Variants in NALF1 observed in about 807,000 individuals in gnomAD.
NALF1 encodes family with sequence similarity 155 member A.
Under a neutral mutation model 48.4 loss-of-function variants are expected in NALF1, and 3 were observed. That is an observed-to-expected ratio of 0.06 (90% CI 0.03 to 0.16). NALF1 has a LOEUF of 0.16. Ranked by LOEUF, NALF1 falls within the 10% of genes least tolerant of loss-of-function variation. The pLI is 1.00. For missense variants in NALF1, 526 were observed against 571.5 expected (o/e 0.92, Z 0.81); for synonymous variants, 262 against 245.7 (o/e 1.07, Z -0.62).
At chr13:107,662,443 T>C (rs1880756586) in intron 1 of NALF1, among the ~76,000 whole-genome samples, 1 of 152,218 alleles carries the variant, frequency 6.6e-6, no homozygotes, top group Non-Finnish European at 1.5e-5. Context: ...ATGAACAGTG[T>C]TGCCTGTTAA....
At chr13:107,299,674 A>G (rs1185161027) in intron 1 of NALF1, among the ~76,000 whole-genome samples, 2 of 144,242 alleles carry the variant, frequency 1.4e-5, no homozygotes, top group East Asian at 4.0e-4. Context: ...GTAAGGAAGA[A>G]CTGTTCCTTA....
At chr13:107,718,216 C>G (rs10508186) in intron 1 of NALF1, among the ~76,000 whole-genome samples, 1 of 152,138 alleles carries the variant, frequency 6.6e-6, no homozygotes, top group Admixed American at 6.5e-5. Flanking sequence ...TTCTTTCTCT[C>G]TGTTATGACC....
At chr13:107,272,856 A>C (rs369502207) in intron 1 of NALF1, among the ~76,000 whole-genome samples, 1 of 152,190 alleles carries the variant, frequency 6.6e-6, no homozygotes, top group East Asian at 1.9e-4. Context: ...AAAACTAAGG[A>C]AAGTCGGAGT....
chr13:107,198,898 T>C (rs1357147480), intron 2 of NALF1, among the ~76,000 whole-genome samples: 2 of 152,204 alleles, frequency 1.3e-5, no homozygotes, highest in African/African-American at 4.8e-5. Flanking sequence ...TTTTATACGC[T>C]GTTATGGGAA....
chr13:107,519,900 GAGAATGGACATTTTAACAAATGTA>G, intron 1 of NALF1, among the ~76,000 whole-genome samples: 1 of 152,254 alleles, frequency 6.6e-6, no homozygotes, highest in South Asian at 2.1e-4. Flanking sequence ...TCAAACTACA[GAGAATGGACATTTTAACAAATGTA>G]GTGCTCTGGT....
intron 1 of NALF1, among the ~76,000 whole-genome samples, chr13:107,598,055 T>C (rs1366113202): frequency 3.3e-5 from 5 of 152,182 alleles, no homozygotes; most frequent in Admixed American, 6.5e-5. Flanking sequence ...GGTAATGTGA[T>C]AGTATCCTCT....
chr13:107,816,805 A>C (rs72657268), intron 1 of NALF1, among the ~76,000 whole-genome samples: 23,608 of 152,070 alleles, frequency 0.16, 2,174 homozygotes, highest in East Asian at 0.4. Context: ...TTTCATGCGG[A>C]GTGTGTCCAC....
intron 1 of NALF1, among the ~76,000 whole-genome samples, chr13:107,834,926 A>AG (rs1879846386): frequency 6.6e-6 from 1 of 152,204 alleles, no homozygotes; most frequent in Non-Finnish European, 1.5e-5. Flanking sequence ...AATGGCACAG[A>AG]GGAGGGAAGG....
At chr13:107,339,403 T>C (rs1220619973) in intron 1 of NALF1, among the ~76,000 whole-genome samples, 6 of 152,152 alleles carry the variant, frequency 3.9e-5, no homozygotes, top group South Asian at 2.1e-4. Context: ...GTGTGAGTCA[T>C]CTAGTAGGTT....
At chr13:107,805,484 A>T (rs903297464) in intron 1 of NALF1, among the ~76,000 whole-genome samples, 1 of 152,162 alleles carries the variant, frequency 6.6e-6, no homozygotes, top group South Asian at 2.1e-4. Flanking sequence ...GAAAATAAAC[A>T]CATGCATTCC....
chr13:107,738,744 G>A (rs965985974), intron 1 of NALF1, among the ~76,000 whole-genome samples: 4 of 151,622 alleles, frequency 2.6e-5, no homozygotes, highest in Admixed American at 2.0e-4. Flanking sequence ...TCGGCTCACT[G>A]CAACCTCTGC....
chr13:107,666,058 C>A (rs1264562149), intron 1 of NALF1, among the ~76,000 whole-genome samples: 2 of 152,030 alleles, frequency 1.3e-5, no homozygotes, highest in African/African-American at 2.4e-5. Flanking sequence ...AATAATCTCC[C>A]ATGAAAACTC....
chr13:107,265,698 G>A (rs893042537), intron 1 of NALF1, among the ~76,000 whole-genome samples: 1 of 151,956 alleles, frequency 6.6e-6, no homozygotes, highest in African/African-American at 2.4e-5. Context: ...GAGCCACCAT[G>A]CCTGGCCTAC....
chr13:107,208,240 G>A (rs1335087550), intron 2 of NALF1, among the ~76,000 whole-genome samples: 1 of 152,290 alleles, frequency 6.6e-6, no homozygotes, highest in African/African-American at 2.4e-5. Flanking sequence ...AATGTTCAGT[G>A]ATGAGATTAT....
At chr13:107,455,334 A>G (rs1884806605) in intron 1 of NALF1, among the ~76,000 whole-genome samples, 1 of 152,114 alleles carries the variant, frequency 6.6e-6, no homozygotes, top group Non-Finnish European at 1.5e-5. Flanking sequence ...ACACCTCAAA[A>G]ATTCTATGTT....
At chr13:107,495,902 T>C (rs748722043) in intron 1 of NALF1, among the ~76,000 whole-genome samples, 3 of 152,316 alleles carry the variant, frequency 2.0e-5, no homozygotes, top group Admixed American at 6.5e-5. Context: ...TCTCCAAAAG[T>C]GTCTGATGAC....
chr13:107,754,683 A>T (rs1877042317), intron 1 of NALF1, among the ~76,000 whole-genome samples: 1 of 152,192 alleles, frequency 6.6e-6, no homozygotes, highest in South Asian at 2.1e-4. Context: ...CCTTCATATG[A>T]AAGTTGGAGA....
chr13:107,399,922 C>T lies in NALF1; in HGVS notation c.916-189167G>A, dbSNP rs1883776161. Among the ~76,000 whole-genome samples the T allele has an allele frequency of 2.6e-5, 4 of 152,070 alleles. No homozygotes were observed. The South Asian group carries it at 8.3e-4, about 32-fold the overall frequency. On this transcript the variant is annotated intron_variant, in intron 1 of 2. Transcript: ENST00000375915. ...GAATTATTTACATAAAATTATCTATCAAATAAAATCATTTCATAATAATGC... is the reference window on the plus strand; with the variant it reads ...GAATTATTTACATAAAATTATCTATTAAATAAAATCATTTCATAATAATGC...
At chr13:107,477,650 G>A (rs763178983) in intron 1 of NALF1, among the ~76,000 whole-genome samples, 2 of 151,818 alleles carry the variant, frequency 1.3e-5, no homozygotes, top group Non-Finnish European at 2.9e-5. Context: ...TATCTCCTCC[G>A]TGTGACTAAA....
Sources: allele counts gnomAD v4.1 joint callset (sites outside exome capture counted in the v4.1 genomes callset), GRCh38; gene constraint gnomAD v4.1.1; transcripts MANE v1.5; gene names NCBI Gene and HGNC (gene_info 2026-07-23, HGNC 2026-07-21).